Variants in NGEF observed in about 807,000 individuals in gnomAD.
The protein encoded by NGEF is ephexin-1.
Under a neutral mutation model 80.9 loss-of-function variants are expected in NGEF, and 31 were observed. The ratio of observed to expected loss-of-function variants is 0.38; its 90% CI spans 0.29 to 0.52. The LOEUF is 0.52. Ranked by LOEUF, NGEF falls within the 20% of genes least tolerant of loss-of-function variation. The pLI, the probability that NGEF is intolerant of heterozygous loss-of-function variation, is 0.84. For synonymous variants in NGEF, 371 were observed against 370.2 expected (o/e 1.00, Z -0.03); for missense variants, 709 against 926.2 (o/e 0.77, Z 3.04).
intron 1 of NGEF, among the ~76,000 whole-genome samples, chr2:232,989,860 A>G (rs990797671): frequency 6.6e-6 from 1 of 152,242 alleles, no homozygotes; most frequent in African/African-American, 2.4e-5. Flanking sequence ...GTCTTAATAC[A>G]ATATAGCACA....
rs76603916 is a variant in NGEF, at chr2:232,882,127, G to A, written c.1837+59C>T. On this transcript the variant is annotated intron_variant, in intron 13 of 14. Coordinates refer to ENST00000264051, the MANE Select transcript of NGEF (RefSeq NM_019850.3). Reference sequence around the variant, plus strand: ...CAGGCAGGGCACACCGTGCACCTGCGGCATCCGGCAGGGCCAGCCCAAGGA... The same window carrying A: ...CAGGCAGGGCACACCGTGCACCTGCAGCATCCGGCAGGGCCAGCCCAAGGA... 5.8e-3 allele frequency: 8,688 copies of A among 1,495,596 alleles called. 381 individuals carry two copies. In the African/African-American group the frequency reaches 0.1, roughly 17 times the overall value. The allele number at this position is 1,495,596 out of a possible 1,614,324, so 92.6% of individuals were successfully genotyped here. A position where few individuals can be genotyped will look rare whatever the true frequency, so the allele number is the denominator to read the frequency against.
At chr2:232,943,109 T>G (rs754218985) in intron 3 of NGEF, among the ~76,000 whole-genome samples, 27 of 152,136 alleles carry the variant, frequency 1.8e-4, no homozygotes, top group Non-Finnish European at 4.0e-4. Context: ...TAGGCCTGCT[T>G]CTCTGTTTAG....
At position 232,940,146 on chromosome 2, in the gene NGEF, C is replaced by T. The variant is rs180958631; in HGVS notation, c.384-12960G>A. 3.3e-4 allele frequency among the ~76,000 whole-genome samples: 50 copies of T among 152,216 alleles called. No individual in the cohort carries two copies. The East Asian group carries it at 8.9e-3, about 27-fold the overall frequency. ...TTGACTTTGTAATGTTGACGGAATT[C>T]GTTTCTTCCCAAGAATTCATAGTTT... On this transcript the variant is annotated intron_variant, in intron 3 of 14. Transcript: ENST00000264051.
chr2:232,919,127 C>T (rs1559208368), intron 5 of NGEF, among the ~76,000 whole-genome samples: 1 of 152,158 alleles, frequency 6.6e-6, no homozygotes, highest in Non-Finnish European at 1.5e-5. Context: ...CTCCATTCAT[C>T]GCAAAACCCA....
chr2:232,889,113 C>T (rs551565481), intron 8 of NGEF, among the ~76,000 whole-genome samples: 1 of 152,178 alleles, frequency 6.6e-6, no homozygotes, highest in Non-Finnish European at 1.5e-5. Context: ...AAGCCAGAGA[C>T]CTTCGAGACC....
intron 3 of NGEF, among the ~76,000 whole-genome samples, chr2:232,953,234 A>C (rs1482477019): frequency 1.3e-5 from 2 of 148,824 alleles, no homozygotes; most frequent in African/African-American, 4.9e-5. Context: ...CCCAGGAGGC[A>C]GAAGTTGCAA....
Position 233,010,722 on chromosome 2 carries a change from C to T in NGEF, c.-75+2346G>A, listed in dbSNP as rs184005012. On this transcript the variant is annotated intron_variant, in intron 1 of 14. Coordinates refer to ENST00000264051, the MANE Select transcript of NGEF (RefSeq NM_019850.3). ...GAGGGTGCTCCAGCAAATGGCCCCTCCTCAGTGCTCAGACCCCATGTGGTC... is the reference window on the plus strand; with the variant it reads ...GAGGGTGCTCCAGCAAATGGCCCCTTCTCAGTGCTCAGACCCCATGTGGTC... Among the ~76,000 whole-genome samples the T allele has an allele frequency of 5.5e-3, 832 of 152,338 alleles. 8 individuals are homozygous for T. The highest frequency in any genetic ancestry group is 0.019 in the African/African-American group (801 of 41,574).
chr2:232,959,640 C>T (rs886894221), intron 3 of NGEF, among the ~76,000 whole-genome samples: 9 of 149,106 alleles, frequency 6.0e-5, no homozygotes, highest in Non-Finnish European at 7.4e-5. Flanking sequence ...AGTGCAATGG[C>T]GCAATCTTGG....
At chr2:232,901,537 G>A (rs182603817) in intron 5 of NGEF, 27 of 722,592 alleles carry the variant, frequency 3.7e-5, no homozygotes, top group African/African-American at 3.7e-4. Context: ...TGACATCTGC[G>A]GGGGTCGGAG....
intron 7 of NGEF, among the ~76,000 whole-genome samples, chr2:232,891,912 G>A (rs1054621091): frequency 1.3e-5 from 2 of 152,030 alleles, no homozygotes; most frequent in East Asian, 1.9e-4. Context: ...GGGCCACAGC[G>A]CTGATGAGGG....
At chr2:232,987,093 T>C (rs544598751) in intron 1 of NGEF, among the ~76,000 whole-genome samples, 2 of 152,272 alleles carry the variant, frequency 1.3e-5, no homozygotes, top group East Asian at 3.9e-4. Flanking sequence ...CTCGGCTCAC[T>C]GCAATGTCTG....
At chr2:232,929,324 G>C (rs559927926) in intron 3 of NGEF, among the ~76,000 whole-genome samples, 2 of 152,346 alleles carry the variant, frequency 1.3e-5, no homozygotes, top group African/African-American at 4.8e-5. Flanking sequence ...AACCAGTCTT[G>C]AATAAGGCAG....
At chr2:232,895,706 G>A (rs1170199991) in intron 5 of NGEF, among the ~76,000 whole-genome samples, 2 of 152,072 alleles carry the variant, frequency 1.3e-5, no homozygotes, top group East Asian at 1.9e-4. Context: ...CGAGTGTCAC[G>A]GGTGGAATCT....
chr2:232,901,923 A>G (rs375300379), intron 5 of NGEF, among the ~76,000 whole-genome samples: 7 of 152,346 alleles, frequency 4.6e-5, no homozygotes, highest in African/African-American at 1.7e-4. Flanking sequence ...GGGAGCTATC[A>G]GGGCCACCTG....
intron 3 of NGEF, among the ~76,000 whole-genome samples, chr2:232,952,938 AACAAGAGTGCAG>A (rs1693706462): frequency 7.5e-6 from 1 of 133,568 alleles, no homozygotes; most frequent in Non-Finnish European, 1.5e-5. Flanking sequence ...ACTGCACTCC[AACAAGAGTGCAG>A]ACAAGAGTGA....
At chr2:232,955,087 G>A (rs1285215096) in intron 3 of NGEF, among the ~76,000 whole-genome samples, 1 of 152,150 alleles carries the variant, frequency 6.6e-6, no homozygotes, top group African/African-American at 2.4e-5. Context: ...CCTGCCTAAG[G>A]TCAAGTCTGG....
At chr2:232,927,319 C>A in intron 3 of NGEF, 133 bp from the exon 4 acceptor site, 1 of 948,468 alleles carries the variant, frequency 1.1e-6, no homozygotes, top group South Asian at 2.3e-5. Flanking sequence ...GGGGCAGCGG[C>A]CGCAGCCAGC....
In NGEF at chr2:232,883,363, G is replaced by A. The variant is rs763347859; in HGVS notation, c.1705C>T (p.Leu569=). 25 of 1,612,468 alleles carry A rather than the reference G, an allele frequency of 1.6e-5. No homozygotes were observed. Among genetic ancestry groups the A allele is most frequent in the Non-Finnish European group, 2.1e-5 (25 of 1,179,476 alleles). ...TLANVFILRL[L]ENADDREATY... ...GCCTCCCGGTCATCTGCGTTCTCCA[G>A]CAGCCGCAGGATGAACACGTTGGCC... Residue 569 remains leucine, a synonymous_variant, in exon 12 of 15, where the codon CTG becomes TTG. Coordinates refer to ENST00000264051, the MANE Select transcript of NGEF (RefSeq NM_019850.3).
rs762486582 is a variant in NGEF, at chr2:232,884,155, G to C, written c.1438-11C>G. On this transcript the variant is annotated splice_polypyrimidine_tract_variant and intron_variant, in intron 10 of 14. Coordinates refer to ENST00000264051, the MANE Select transcript of NGEF (RefSeq NM_019850.3). ...GATGATGGGCACCGACTGCAGCGGG[G>C]AAAGGGCATCAGGCAGGCTGTGCCC... The C allele has an allele frequency of 6.3e-5, 99 of 1,583,676 alleles. No homozygotes were observed. Among genetic ancestry groups the C allele is most frequent in the Non-Finnish European group, 7.8e-5 (91 of 1,169,188 alleles).
Sources: gnomAD v4.1 joint callset for allele counts (sites outside exome capture counted in the v4.1 genomes callset) on GRCh38, gnomAD v4.1.1 for gene constraint, MANE v1.5 for transcripts, NCBI Gene and HGNC (gene_info 2026-07-23, HGNC 2026-07-21) for gene names.